The following GPHN variants were observed in gnomAD, a reference collection of about 807,000 sequenced individuals.
GPHN encodes the protein gephyrin.
In GPHN, 17 loss-of-function variants were observed where a neutral mutation model predicts 95.5. The ratio of observed to expected loss-of-function variants is 0.18; its 90% confidence interval spans 0.12 to 0.27. GPHN has a LOEUF of 0.27. Ranked by LOEUF, GPHN falls within the 10% of genes least tolerant of loss-of-function variation. The pLI is 1.00. For missense variants in GPHN, 660 were observed against 978.1 expected (o/e 0.67, Z 4.34); for synonymous variants, 320 against 322.5 (o/e 0.99, Z 0.08).
At chr14:66,845,560 G>A (rs1187170372) in intron 4 of GPHN, among the ~76,000 whole-genome samples, 1 of 152,036 alleles carries the variant, frequency 6.6e-6, no homozygotes, top group African/African-American at 2.4e-5. Context: ...GGAATAATGT[G>A]GGCTTTTATA....
chr14:67,013,235 C>T (rs865904586), intron 9 of GPHN, among the ~76,000 whole-genome samples: 29 of 151,938 alleles, frequency 1.9e-4, no homozygotes, highest in Non-Finnish European at 3.1e-4. Flanking sequence ...GAAACTAATA[C>T]TTGAAATAAT....
chr14:67,635,277 C>A, the GPHN span, among the ~76,000 whole-genome samples: 2 of 152,130 alleles, frequency 1.3e-5, no homozygotes, highest in East Asian at 3.9e-4. Context: ...GTTGTACAGT[C>A]TTTGGGAGTT....
At chr14:67,699,866 G>A in the GPHN span, among the ~76,000 whole-genome samples, 2 of 152,198 alleles carry the variant, frequency 1.3e-5, no homozygotes, top group Non-Finnish European at 2.9e-5. Flanking sequence ...TTTAGGCTGG[G>A]CGCGGTGGCT....
At chr14:66,930,940 CAG>C (rs949644131) in intron 8 of GPHN, among the ~76,000 whole-genome samples, 19 of 152,162 alleles carry the variant, frequency 1.2e-4, no homozygotes, top group Middle Eastern at 3.4e-3. Flanking sequence ...TTATTGTTAC[CAG>C]AGAGTTTGGG....
chr14:66,854,881 T>G (rs1172413862), intron 4 of GPHN, among the ~76,000 whole-genome samples: 1 of 150,962 alleles, frequency 6.6e-6, no homozygotes, highest in Non-Finnish European at 1.5e-5. Context: ...GTAGTCTCAC[T>G]CTGTCACCCA....
chr14:66,552,443 A>G (rs898280237), intron 1 of GPHN, among the ~76,000 whole-genome samples: 2 of 152,116 alleles, frequency 1.3e-5, no homozygotes, highest in East Asian at 1.9e-4. Context: ...TTAAACAGTT[A>G]TTTGATTTTT....
chr14:67,035,599 T>C (rs564310391), intron 10 of GPHN, among the ~76,000 whole-genome samples: 9 of 151,988 alleles, frequency 5.9e-5, no homozygotes, highest in Admixed American at 2.0e-4. Flanking sequence ...TATACAATTA[T>C]ATGCCAACAA....
chr14:66,727,804 A>G (rs561928221), intron 2 of GPHN, among the ~76,000 whole-genome samples: 3 of 152,250 alleles, frequency 2.0e-5, no homozygotes, highest in Non-Finnish European at 4.4e-5. Flanking sequence ...GCGATAGAAA[A>G]GAAAATCCCA....
At chr14:67,483,866 G>T in the GPHN span, among the ~76,000 whole-genome samples, 19 of 152,340 alleles carry the variant, frequency 1.2e-4, no homozygotes, top group African/African-American at 4.6e-4. Context: ...GAACACAGAG[G>T]ATTTCAGGGG....
chr14:67,138,992 G>A (rs1259372237), intron 17 of GPHN, among the ~76,000 whole-genome samples: 2 of 150,480 alleles, frequency 1.3e-5, no homozygotes, highest in East Asian at 2.0e-4. Flanking sequence ...GGAGGCCAAG[G>A]TGGGCGGATC....
the GPHN span, chr14:67,570,272 C>T: frequency 2.1e-6 from 2 of 950,106 alleles, no homozygotes; most frequent in Non-Finnish European, 2.5e-6. Flanking sequence ...CTCTCCCCAC[C>T]TTTTCTCATG....
chr14:67,579,999 C>T, the GPHN span: 1 of 888,704 alleles, frequency 1.1e-6, no homozygotes, highest in Non-Finnish European at 1.7e-6. Flanking sequence ...GCCCAAGGTG[C>T]TGCCCTAGTC....
intron 2 of GPHN, among the ~76,000 whole-genome samples, chr14:66,688,400 T>C (rs1355449746): frequency 6.6e-6 from 1 of 152,198 alleles, no homozygotes; most frequent in Admixed American, 6.5e-5. Flanking sequence ...AGTAGACCCA[T>C]GCAGTTCAAG....
intron 4 of GPHN, among the ~76,000 whole-genome samples, chr14:66,877,073 G>A (rs1331949574): frequency 1.3e-5 from 2 of 152,130 alleles, no homozygotes; most frequent in Non-Finnish European, 2.9e-5. Flanking sequence ...GGGATGCAAG[G>A]CTGGTTCACA....
At chr14:67,262,676 G>T in the GPHN span, among the ~76,000 whole-genome samples, 2 of 152,086 alleles carry the variant, frequency 1.3e-5, no homozygotes, top group Non-Finnish European at 2.9e-5. Flanking sequence ...CTGTTTTGTT[G>T]TTCTTTTCTA....
chr14:67,057,293 A>G (rs1292064379), intron 10 of GPHN, among the ~76,000 whole-genome samples: 1 of 152,180 alleles, frequency 6.6e-6, no homozygotes, highest in Non-Finnish European at 1.5e-5. Flanking sequence ...CTTTGCAGGG[A>G]CAGGGAGGGA....
chr14:66,643,061 A>G (rs1353018434), intron 1 of GPHN, among the ~76,000 whole-genome samples: 1 of 152,120 alleles, frequency 6.6e-6, no homozygotes, highest in Admixed American at 6.5e-5. Flanking sequence ...TATCCAACAA[A>G]GGACTCATAT....
At chr14:66,787,950 A>G (rs550473007) in intron 3 of GPHN, among the ~76,000 whole-genome samples, 13 of 152,164 alleles carry the variant, frequency 8.5e-5, no homozygotes, top group African/African-American at 2.9e-4. Context: ...CTTAGACTCA[A>G]CACAAAAAGC....
chr14:66,619,490 T>TG (rs921353716), intron 1 of GPHN, among the ~76,000 whole-genome samples: 2 of 149,170 alleles, frequency 1.3e-5, no homozygotes, highest in East Asian at 1.9e-4. Flanking sequence ...ATTCTCAGGT[T>TG]TTTTTTTTTT....
Sources: gnomAD v4.1 joint callset for allele counts (sites outside exome capture counted in the v4.1 genomes callset) on GRCh38, gnomAD v4.1.1 for gene constraint, MANE v1.5 for transcripts, NCBI Gene and HGNC (gene_info 2026-07-23, HGNC 2026-07-21) for gene names.